Variants in NGEF observed in about 807,000 individuals in gnomAD.
NGEF encodes the protein ephexin-1.
Under a neutral mutation model 80.9 loss-of-function variants are expected in NGEF, and 31 were observed. That is an observed-to-expected ratio of 0.38 (90% confidence interval 0.29 to 0.52). The LOEUF is 0.52. NGEF is among the 20% of genes least tolerant of loss of function. NGEF has a pLI of 0.84. For missense variants in NGEF, 709 were observed against 926.2 expected, an observed-to-expected ratio of 0.77 and a Z score of 3.04; for synonymous variants, 371 against 370.2, an observed-to-expected ratio of 1.00 and a Z score of -0.03.
At chr2:233,005,775 C>G (rs562307666) in intron 1 of NGEF, among the ~76,000 whole-genome samples, 158 of 152,222 alleles carry the variant, frequency 1.0e-3, no homozygotes, top group African/African-American at 3.7e-3. Context: ...TGTTGGGCTT[C>G]TTGTCTTCTA....
intron 3 of NGEF, among the ~76,000 whole-genome samples, chr2:232,949,167 C>A (rs950967200): frequency 6.6e-6 from 1 of 152,180 alleles, no homozygotes. Context: ...GGGAGCTCTG[C>A]GGAGCCAGGA....
At chr2:232,891,528 G>A in intron 7 of NGEF, 41 bp from the exon 8 acceptor site, 1 of 1,594,942 alleles carries the variant, frequency 6.3e-7, no homozygotes, top group Non-Finnish European at 8.5e-7. Flanking sequence ...TGAGCTGCAG[G>A]AGGCATGAAC....
chr2:232,967,142 A>C (rs1381918432), intron 3 of NGEF, among the ~76,000 whole-genome samples: 1 of 151,950 alleles, frequency 6.6e-6, no homozygotes, highest in Non-Finnish European at 1.5e-5. Context: ...AGTTCTCACG[A>C]GATCTGGATG....
chr2:232,987,843 C>T (rs905285415), intron 1 of NGEF, among the ~76,000 whole-genome samples: 3 of 152,036 alleles, frequency 2.0e-5, no homozygotes, highest in African/African-American at 7.2e-5. Context: ...TTGGAGCAGC[C>T]CTTTACAAGA....
At chr2:232,952,708 C>T (rs1296995028) in intron 3 of NGEF, among the ~76,000 whole-genome samples, 2 of 152,110 alleles carry the variant, frequency 1.3e-5, no homozygotes, top group Non-Finnish European at 2.9e-5. Flanking sequence ...TGACTCACGC[C>T]TGTAATCCCA....
intron 5 of NGEF, among the ~76,000 whole-genome samples, chr2:232,912,220 A>G (rs1406317222): frequency 6.6e-6 from 1 of 152,174 alleles, no homozygotes; most frequent in African/African-American, 2.4e-5. Context: ...ATGACTGAAT[A>G]CTGAATTTTG....
At chr2:232,888,361 A>G (rs1016410969) in intron 8 of NGEF, among the ~76,000 whole-genome samples, 3 of 91,618 alleles carry the variant, frequency 3.3e-5, no homozygotes, top group Non-Finnish European at 6.8e-5. Context: ...AGCAGTGTGC[A>G]CACATGCACA....
At chr2:232,949,028 CCCAAAAAAAACAAACAAAAAAAACCA>C (rs1273312799) in intron 3 of NGEF, among the ~76,000 whole-genome samples, 1 of 130,286 alleles carries the variant, frequency 7.7e-6, no homozygotes, top group African/African-American at 2.8e-5. Flanking sequence ...AAAAAAACCC[CCCAAAAAAAACAAACAAAAAAAACCA>C]ATCAAATTTA....
At position 232,883,544 on chromosome 2, in the gene NGEF, G is replaced by C; in HGVS notation, c.1602-78C>G. On this transcript the variant is annotated intron_variant, in intron 11 of 14. Transcript: ENST00000264051. Reference sequence around the variant, plus strand: ...GTCCCAGGAGAGCCCCACTTGGCAGGCCAACAAGCCTGGCTCCACAGCGCT... The same window carrying C: ...GTCCCAGGAGAGCCCCACTTGGCAGCCCAACAAGCCTGGCTCCACAGCGCT... 3 of 1,367,778 alleles carry C rather than the reference G, an allele frequency of 2.2e-6. No homozygotes were observed. The South Asian group carries it at 4.6e-5, about 21-fold the overall frequency. 84.7% of individuals were successfully genotyped at this position (1,367,778 alleles called of 1,614,324 possible). A position where few individuals can be genotyped will look rare whatever the true frequency, so the allele number is the denominator to read the frequency against.
At chr2:232,926,103 A>C (rs974274187) in intron 4 of NGEF, among the ~76,000 whole-genome samples, 1 of 152,180 alleles carries the variant, frequency 6.6e-6, no homozygotes, top group Admixed American at 6.5e-5. Flanking sequence ...CCACTTCCCC[A>C]CTGGAGACAC....
intron 1 of NGEF, among the ~76,000 whole-genome samples, chr2:233,009,663 G>C (rs1695161776): frequency 6.6e-6 from 1 of 152,150 alleles, no homozygotes; most frequent in African/African-American, 2.4e-5. Flanking sequence ...AAAACTCCTG[G>C]ATGATTGGAG....
At chr2:232,906,793 A>G (rs1293330189) in intron 5 of NGEF, among the ~76,000 whole-genome samples, 6 of 151,862 alleles carry the variant, frequency 4.0e-5, no homozygotes, top group South Asian at 4.2e-4. Flanking sequence ...GTGTCTGTGT[A>G]GAAAGTAGTA....
chr2:232,917,773 GTTTTTA>G (rs962339279), intron 5 of NGEF, among the ~76,000 whole-genome samples: 16 of 152,058 alleles, frequency 1.1e-4, no homozygotes, highest in African/African-American at 3.6e-4. Flanking sequence ...GATAATTTCT[GTTTTTA>G]TTTTTATTTT....
At position 232,879,436 on chromosome 2, in the gene NGEF, CTTCTGT is replaced by C; in HGVS notation, c.*47_*52del. On this transcript the variant is annotated 3_prime_UTR_variant, in exon 15 of 15. Transcript: ENST00000264051. ...CTTCCCAGAGCCCCCCCCCCCCCAC[CTTCTGT>C]CGGGGTCTCATGCAGGCCCTGCTCC... 5.5e-6 allele frequency: 8 copies of C among 1,459,908 alleles called. No homozygotes were observed. Among genetic ancestry groups the C allele is most frequent in the South Asian group, 1.3e-5 (1 of 76,654 alleles). 90.4% of individuals were successfully genotyped at this position (1,459,908 alleles called of 1,614,324 possible).
intron 3 of NGEF, among the ~76,000 whole-genome samples, chr2:232,953,791 C>T (rs1486856626): frequency 6.6e-6 from 1 of 152,142 alleles, no homozygotes; most frequent in Non-Finnish European, 1.5e-5. Context: ...GCCCCTGGAA[C>T]ACCAGCTTTG....
chr2:232,989,402 G>A (rs957436383), intron 1 of NGEF, among the ~76,000 whole-genome samples: 2 of 152,176 alleles, frequency 1.3e-5, no homozygotes, highest in South Asian at 4.1e-4. Flanking sequence ...AGCTGAGATC[G>A]TGCCACTGCA....
chr2:232,904,505 A>G (rs1559202295), intron 5 of NGEF, among the ~76,000 whole-genome samples: 2 of 152,364 alleles, frequency 1.3e-5, no homozygotes, highest in East Asian at 3.9e-4. Flanking sequence ...CTGGGAGTAC[A>G]GGCGTGAGCC....
chr2:232,911,825 T>C (rs147655039), intron 5 of NGEF, among the ~76,000 whole-genome samples: 1 of 152,234 alleles, frequency 6.6e-6, no homozygotes, highest in Non-Finnish European at 1.5e-5. Flanking sequence ...TATAGTGATA[T>C]GACTGATATT....
chr2:232,991,956 G>A (rs765797177), intron 1 of NGEF, among the ~76,000 whole-genome samples: 13 of 152,308 alleles, frequency 8.5e-5, no homozygotes, highest in Middle Eastern at 3.4e-3. Context: ...TTGACAGGTG[G>A]TAAGACCATT....
Sources: allele counts gnomAD v4.1 joint callset (sites outside exome capture counted in the v4.1 genomes callset), GRCh38; gene constraint gnomAD v4.1.1; transcripts MANE v1.5; gene names NCBI Gene and HGNC (gene_info 2026-07-23, HGNC 2026-07-21).